The following BSN variants were observed in gnomAD, a reference collection of about 807,000 sequenced individuals.
The protein encoded by BSN is bassoon presynaptic cytomatrix protein.
A neutral mutation model predicts 264.8 loss-of-function variants in BSN; 57 were observed. The ratio of observed to expected loss-of-function variants is 0.22; its 90% confidence interval spans 0.17 to 0.27. The LOEUF is 0.27. Among genes scored for constraint, BSN ranks in the 10% least tolerant of loss-of-function variants. BSN has a pLI of 1.00. For missense variants in BSN, 4,615 were observed against 5,232.5 expected, an observed-to-expected ratio of 0.88 and a Z score of 3.64; for synonymous variants, 2,059 against 2,137.3, an observed-to-expected ratio of 0.96 and a Z score of 1.01.
intron 1 of BSN, among the ~76,000 whole-genome samples, chr3:49,565,241 G>A (rs1238249456): frequency 1.3e-5 from 2 of 149,004 alleles, no homozygotes; most frequent in Non-Finnish European, 3.0e-5. Context: ...TGCCTCCAGG[G>A]TTCATGCCAT....
At chr3:49,555,261 A>G (rs2051656415) in intron 1 of BSN, among the ~76,000 whole-genome samples, 1 of 152,180 alleles carries the variant, frequency 6.6e-6, no homozygotes, top group Non-Finnish European at 1.5e-5. Context: ...CAGGGAAGAT[A>G]AGTGTCACTG....
At chr3:49,556,771 A>C (rs1008687173) in intron 1 of BSN, among the ~76,000 whole-genome samples, 1 of 152,206 alleles carries the variant, frequency 6.6e-6, no homozygotes, top group Non-Finnish European at 1.5e-5. Flanking sequence ...CAAATTTAGC[A>C]TGTTCTAAGA....
intron 1 of BSN, among the ~76,000 whole-genome samples, chr3:49,603,770 C>A (rs1326591621): frequency 6.6e-6 from 1 of 152,184 alleles, no homozygotes; most frequent in Non-Finnish European, 1.5e-5. Flanking sequence ...TATTATGCAA[C>A]CATCACCTCT....
chr3:49,653,960 G>A lies in BSN; in HGVS notation c.4404G>A (p.Arg1468=), dbSNP rs371181793. Residue 1468 remains arginine, a synonymous_variant, in exon 5 of 12, where the codon CGG becomes CGA. Coordinates refer to ENST00000296452, the MANE Select transcript of BSN (RefSeq NM_003458.4). The surrounding 1 kb of genome is among the most constrained non-coding windows in gnomAD (Gnocchi z 6.3). ...DGEGGTPQPS[R]AYSYFASSSP... ...AGGGTGGCACTCCTCAGCCTTCCCG[G>A]GCATATTCCTACTTTGCAAGCTCCA... The A allele has an allele frequency of 1.2e-6, 2 of 1,614,032 alleles. No individual in the cohort carries two copies. Among genetic ancestry groups the A allele is most frequent in the African/African-American group, 2.7e-5 (2 of 75,004 alleles).
rs2052647444 is a variant in BSN at position 49,660,816 on chromosome 3, G to C, written c.8971G>C (p.Ala2991Pro). The change falls in exon 6 of 12, where the codon GCC becomes CCC. Residue 2991 changes from alanine (A) to proline (P), a missense_variant. Coordinates refer to ENST00000296452, the MANE Select transcript of BSN (RefSeq NM_003458.4). The surrounding 1 kb of genome is among the most constrained non-coding windows in gnomAD (Gnocchi z 7.1). ...TATCACACAACGCAAAGAGTCTTTG[G>C]CCAAAGACCGGGGTGGCCGTGACTA... ...LGITQRKESLAKDRGGRDYPP... is the reference protein window; with the variant it reads ...LGITQRKESLPKDRGGRDYPP... 6.2e-7 allele frequency: 1 copy of C among 1,612,996 alleles called. No individual in the cohort carries two copies. Among genetic ancestry groups the C allele is most frequent in the African/African-American group, 1.3e-5 (1 of 75,036 alleles).
chr3:49,651,497 G>A lies in BSN; in HGVS notation c.1987-46G>A, dbSNP rs113184160. The A allele has an allele frequency of 1.2e-3, 1,867 of 1,520,808 alleles. 26 individuals are homozygous for A. In the African/African-American group the frequency reaches 0.023, roughly 19 times the overall value. 94.2% of individuals were successfully genotyped at this position (1,520,808 alleles called of 1,614,324 possible). A position where few individuals can be genotyped will look rare whatever the true frequency, so the allele number is the denominator to read the frequency against. The stretch of plus-strand genomic sequence containing the variant: ...ACAGGGAGGATTGGGTTCCCACCAC[G>A]AGCTTTGCCATGGGGAGTCAGTGTC... On this transcript the variant is annotated intron_variant, in intron 4 of 11. Coordinates refer to ENST00000296452, the MANE Select transcript of BSN (RefSeq NM_003458.4). This position sits in a 1 kb window ranked among gnomAD's most constrained non-coding sequence, Gnocchi z 5.4.
intron 1 of BSN, among the ~76,000 whole-genome samples, chr3:49,595,202 T>C (rs1224547983): frequency 6.7e-6 from 1 of 149,506 alleles, no homozygotes; most frequent in African/African-American, 2.5e-5. Flanking sequence ...ATTTTTTTTT[T>C]TTTTTTTGAG....
chr3:49,665,649 T>C (rs1028254593), intron 11 of BSN, among the ~76,000 whole-genome samples: 3 of 152,234 alleles, frequency 2.0e-5, no homozygotes, highest in African/African-American at 7.2e-5. Context: ...AACATGCTTC[T>C]TCCCTGATGT....
intron 1 of BSN, among the ~76,000 whole-genome samples, chr3:49,587,982 C>T (rs529062425): frequency 1.4e-5 from 2 of 146,614 alleles, no homozygotes; most frequent in South Asian, 2.1e-4. Flanking sequence ...AGTGCAGTGG[C>T]GCAATCTCGG....
chr3:49,560,109 G>T (rs988433681), intron 1 of BSN, among the ~76,000 whole-genome samples: 1 of 152,126 alleles, frequency 6.6e-6, no homozygotes, highest in African/African-American at 2.4e-5. Context: ...ACCCCAGTGT[G>T]GGGGAGCCCT....
downstream of BSN, among the ~76,000 whole-genome samples, chr3:49,672,442 A>G (rs1445477174): frequency 1.3e-5 from 2 of 151,152 alleles, no homozygotes; most frequent in Non-Finnish European, 2.9e-5. Context: ...AGTCCTGTAC[A>G]TACTGACAAA....
intron 1 of BSN, among the ~76,000 whole-genome samples, chr3:49,624,300 C>CATTTTTTTTTTT (rs2052326362): frequency 1.5e-5 from 1 of 67,184 alleles, no homozygotes; most frequent in Non-Finnish European, 2.7e-5. Flanking sequence ...CGTGCCCAGC[C>CATTTTTTTTTTT]TTTTTTTTTT....
chr3:49,653,614 C>T lies in BSN; in HGVS notation c.4058C>T (p.Pro1353Leu). The change falls in exon 5 of 12, where the codon CCC (proline) becomes CTC (leucine). Residue 1353 changes from proline (P) to leucine (L), a missense_variant. This residue lies in a region of BSN where 3,415 missense variants were observed against 3,866.4 expected (regional missense o/e 0.88). Coordinates refer to ENST00000296452, the MANE Select transcript of BSN (RefSeq NM_003458.4). The surrounding 1 kb of genome is among the most constrained non-coding windows in gnomAD (Gnocchi z 6.3). ...TQHFAKETQD[P>L]LKLHSSPASP... ...CATTTTGCAAAGGAGACTCAGGACCCCCTCAAGCTGCACAGCTCTCCTGCC... is the reference window on the plus strand; with the variant it reads ...CATTTTGCAAAGGAGACTCAGGACCTCCTCAAGCTGCACAGCTCTCCTGCC... 6.2e-7 allele frequency: 1 copy of T among 1,613,786 alleles called. No individual in the cohort carries two copies. Among genetic ancestry groups the T allele is most frequent in the Non-Finnish European group, 8.5e-7 (1 of 1,179,974 alleles).
chr3:49,655,815 C>T lies in BSN; in HGVS notation c.6259C>T (p.Leu2087=). 1 of 1,613,420 alleles carries T rather than the reference C, an allele frequency of 6.2e-7. No individual in the cohort carries two copies. The highest frequency in any genetic ancestry group is 8.5e-7 in the Non-Finnish European group (1 of 1,180,024). Residue 2087 remains leucine, a synonymous_variant, in exon 5 of 12, where the codon CTG becomes TTG. Transcript: ENST00000296452. The part of the protein sequence containing the change: ...GDAVGFQEAS[L]AQYSATTARE... ...TGCAGTTGGCTTCCAGGAGGCCAGC[C>T]TGGCCCAGTACAGTGCCACCACAGC... is the stretch of plus-strand genomic sequence containing the variant.
intron 1 of BSN, among the ~76,000 whole-genome samples, chr3:49,575,529 T>G (rs970765246): frequency 1.5e-4 from 22 of 147,554 alleles, no homozygotes; most frequent in East Asian, 5.9e-4. Flanking sequence ...TGTGTGTATA[T>G]ATGTAAATAT....
intron 1 of BSN, among the ~76,000 whole-genome samples, chr3:49,558,299 G>A (rs561261490): frequency 6.6e-6 from 1 of 152,352 alleles, no homozygotes; most frequent in African/African-American, 2.4e-5. Context: ...GGTGGTGGGG[G>A]AAAGCCAGGG....
At chr3:49,624,245 C>A (rs1243780218) in intron 1 of BSN, among the ~76,000 whole-genome samples, 2 of 151,240 alleles carry the variant, frequency 1.3e-5, no homozygotes. Context: ...TCTTGATGTG[C>A]CCGCCTCGGC....
Position 49,655,062 on chromosome 3 carries a change from G to A in BSN, c.5506G>A (p.Glu1836Lys). 1 of 1,613,046 alleles carries A rather than the reference G, an allele frequency of 6.2e-7. No homozygotes were observed. The highest frequency in any genetic ancestry group is 1.7e-4 in the Middle Eastern group (1 of 6,060). Residue 1836 changes from glutamate (E) to lysine (K), a missense_variant, in exon 5 of 12, where the codon GAG becomes AAG. By Grantham distance (56) the Glu-to-Lys change is moderately conservative. This residue lies in a region of BSN where 3,415 missense variants were observed against 3,866.4 expected (regional missense o/e 0.88). Transcript: ENST00000296452. ...SIGLKPGPVP[E>K]PGAEPHRATP... ...TGGCCTCAAGCCAGGCCCAGTGCCAGAGCCAGGTGCCGAGCCCCACCGGGC... is the reference window on the plus strand; with the variant it reads ...TGGCCTCAAGCCAGGCCCAGTGCCAAAGCCAGGTGCCGAGCCCCACCGGGC...
chr3:49,610,978 C>T (rs1194021874), intron 1 of BSN, among the ~76,000 whole-genome samples: 1 of 152,212 alleles, frequency 6.6e-6, no homozygotes, highest in Non-Finnish European at 1.5e-5. Context: ...GAAGTAGACC[C>T]TTAGCCATCT....
Sources: gnomAD v4.1 joint callset for allele counts (sites outside exome capture counted in the v4.1 genomes callset) on GRCh38, gnomAD v4.1.1 for gene constraint, gnomAD v4.1.1 regional missense constraint, Gnocchi (gnomAD v3.1) non-coding constraint, MANE v1.5 for transcripts, NCBI Gene and HGNC (gene_info 2026-07-23, HGNC 2026-07-21) for gene names.